The following UTP6 variants were observed in gnomAD, a reference collection of about 807,000 sequenced individuals.
The protein encoded by UTP6 is UTP6 small subunit processome component.
A neutral mutation model predicts 96.5 loss-of-function variants in UTP6; 60 were observed. The observed-to-expected ratio is 0.62, with a 90% CI of 0.51 to 0.77. The LOEUF (loss-of-function observed/expected upper bound fraction) is 0.77, where lower values mean the gene tolerates loss of function less well. Among genes scored for constraint, UTP6 ranks in the 30% least tolerant of loss-of-function variants. UTP6 has a pLI of 0.00. For synonymous variants in UTP6, 215 were observed against 240.1 expected (o/e 0.90, Z 0.96); for missense variants, 637 against 706.5 (o/e 0.90, Z 1.12).
At chr17:31,881,304 C>T (rs1488675505) in intron 10 of UTP6, among the ~76,000 whole-genome samples, 1 of 147,390 alleles carries the variant, frequency 6.8e-6, no homozygotes, top group African/African-American at 2.5e-5. Context: ...AATCTCATTG[C>T]CACCAAGGCT....
chr17:31,877,595 G>T (rs1910568339), intron 13 of UTP6, among the ~76,000 whole-genome samples: 1 of 152,154 alleles, frequency 6.6e-6, no homozygotes, highest in South Asian at 2.1e-4. Context: ...ACTTTGGGAG[G>T]CTGAGGCAGT....
chr17:31,900,560 G>C (rs1245981582), intron 1 of UTP6, among the ~76,000 whole-genome samples: 1 of 152,152 alleles, frequency 6.6e-6, no homozygotes, highest in Non-Finnish European at 1.5e-5. Flanking sequence ...AAAGTGCTGG[G>C]ATTACAGGCG....
chr17:31,875,834 AAAAAG>A (rs1910469578), intron 13 of UTP6, among the ~76,000 whole-genome samples: 2 of 151,764 alleles, frequency 1.3e-5, no homozygotes, highest in Non-Finnish European at 1.5e-5. Flanking sequence ...AAAAAAAAAA[AAAAAG>A]AAAAGAAATG....
intron 4 of UTP6, among the ~76,000 whole-genome samples, chr17:31,893,557 C>G (rs371822352): frequency 6.6e-6 from 1 of 150,802 alleles, no homozygotes; most frequent in South Asian, 2.1e-4. Context: ...GATGGTGAAA[C>G]CCTGTCTACT....
rs1598111481 is a variant in UTP6 at position 31,887,109 on chromosome 17, C to T, written c.621+127G>A. The T allele has an allele frequency of 1.2e-5, 9 of 779,128 alleles. No homozygotes were observed. In the Admixed American group the frequency reaches 1.4e-4, roughly 12 times the overall value. 48.3% of individuals were successfully genotyped at this position (779,128 alleles called of 1,614,324 possible). Reference sequence around the variant, plus strand: ...CTGCACTCCAGCCTGTGTGACAGACCGAGACTCCGTCTCAAAAAAAAAGAA... The same window carrying T: ...CTGCACTCCAGCCTGTGTGACAGACTGAGACTCCGTCTCAAAAAAAAAGAA... On this transcript the variant is annotated intron_variant, in intron 8 of 18. Transcript: ENST00000261708.
intron 16 of UTP6, among the ~76,000 whole-genome samples, chr17:31,871,239 G>A (rs559278465): frequency 5.8e-4 from 88 of 151,768 alleles, no homozygotes; most frequent in African/African-American, 2.0e-3. Flanking sequence ...TGATCCGCCC[G>A]CCTCGGCCTC....
intron 2 of UTP6, among the ~76,000 whole-genome samples, chr17:31,895,576 C>G (rs1463701090): frequency 6.6e-6 from 1 of 152,266 alleles, no homozygotes; most frequent in East Asian, 1.9e-4. Flanking sequence ...CTCTGTCGCC[C>G]AGGCTAGAGT....
intron 10 of UTP6, 100 bp downstream of exon 10, chr17:31,884,324 A>T: frequency 1.1e-6 from 1 of 929,624 alleles, no homozygotes; most frequent in Non-Finnish European, 1.6e-6. Context: ...CCAGGGATTT[A>T]GTGTGGTATC....
At chr17:31,877,115 A>G (rs1314346137) in intron 13 of UTP6, among the ~76,000 whole-genome samples, 3 of 152,212 alleles carry the variant, frequency 2.0e-5, no homozygotes, top group African/African-American at 7.2e-5. Flanking sequence ...ACATAACATA[A>G]ACTAAAGCAA....
chr17:31,895,236 T>C (rs1470048465), intron 2 of UTP6, among the ~76,000 whole-genome samples: 1 of 152,224 alleles, frequency 6.6e-6, no homozygotes, highest in East Asian at 1.9e-4. Context: ...CACTTAAAAA[T>C]TATTCCATGA....
chr17:31,901,092 T>C (rs759594673), intron 1 of UTP6, among the ~76,000 whole-genome samples: 1 of 152,230 alleles, frequency 6.6e-6, no homozygotes, highest in Admixed American at 6.6e-5. Flanking sequence ...CTGATTTCAA[T>C]GGTCCCCACC....
At chr17:31,878,673 C>A in intron 12 of UTP6, 29 bp downstream of exon 12, 2 of 1,598,882 alleles carry the variant, frequency 1.3e-6, no homozygotes, top group South Asian at 2.2e-5. Context: ...ACTATCTAGT[C>A]AACCACTGTA....
Position 31,894,683 on chromosome 17 carries a change from C to A in UTP6, c.274G>T (p.Val92Leu), listed in dbSNP as rs771588562. 2 of 1,611,546 alleles carry A rather than the reference C, an allele frequency of 1.2e-6. No homozygotes were observed. Among genetic ancestry groups the A allele is most frequent in the African/African-American group, 1.3e-5 (1 of 75,004 alleles). ...GAGGCACGCTGGAAAACACCTTGTACCCGGTGTACAATAGAATTCTCAATC... is the reference window on the plus strand; with the variant it reads ...GAGGCACGCTGGAAAACACCTTGTAACCGGTGTACAATAGAATTCTCAATC... ...DEIENSIVHR[V>L]QGVFQRASAK... The change falls in exon 4 of 19, where the codon GTA (valine) becomes TTA (leucine). Residue 92 changes from valine (V) to leucine (L), a missense_variant. Transcript: ENST00000261708.
At chr17:31,867,878 A>G (rs1476136129) in intron 17 of UTP6, among the ~76,000 whole-genome samples, 168 bp downstream of exon 17, 1 of 151,686 alleles carries the variant, frequency 6.6e-6, no homozygotes, top group Non-Finnish European at 1.5e-5. Flanking sequence ...AATCACTTGA[A>G]CCTGGGAGAT....
chr17:31,889,329 G>A lies in UTP6; in HGVS notation c.499C>T (p.Arg167Cys), dbSNP rs141480679. 6.8e-6 allele frequency: 11 copies of A among 1,613,870 alleles called. No individual in the cohort carries two copies. The highest frequency in any genetic ancestry group is 1.7e-5 in the Admixed American group (1 of 60,002). Residue 167 changes from arginine (R) to cysteine (C), a missense_variant, in exon 7 of 19, where the codon CGC becomes TGC. Physicochemically the swap from Arg to Cys is radical, Grantham distance 180 (BLOSUM62 -3). Transcript: ENST00000261708. ...SSESARQLFL[R>C]ALRFHPECPK... ...CACTCTGGATGAAAGCGCAGTGCGC[G>A]AAGAAATAGTTGCCTTGCGCTTTCT...
chr17:31,873,345 G>T (rs752874640), intron 16 of UTP6, 33 bp downstream of exon 16: 1 of 1,598,370 alleles, frequency 6.3e-7, no homozygotes, highest in Non-Finnish European at 8.6e-7. Context: ...TGGGGTAGAG[G>T]GACTAGTAAC....
In UTP6 at chr17:31,868,089, G is replaced by A. The variant is rs1909929063; in HGVS notation, c.1520C>T (p.Ser507Leu). The A allele has an allele frequency of 6.2e-6, 10 of 1,613,246 alleles. No homozygotes were observed. The East Asian group carries it at 2.0e-4, about 32-fold the overall frequency. ...FKSLQESRPFSVDFFRKMIQF... is the reference protein window; with the variant it reads ...FKSLQESRPFLVDFFRKMIQF... ...AATCATTTTCCTGAAAAAGTCAACTGAAAATGGTCGGCTCTCCTGTAAACT... is the reference window on the plus strand; with the variant it reads ...AATCATTTTCCTGAAAAAGTCAACTAAAAATGGTCGGCTCTCCTGTAAACT... Residue 507 changes from serine to leucine, a missense_variant, in exon 17 of 19, where the codon TCA becomes TTA. Coordinates refer to ENST00000261708, the MANE Select transcript of UTP6 (RefSeq NM_018428.3).
chr17:31,871,426 T>C (rs892772887), intron 16 of UTP6, among the ~76,000 whole-genome samples: 19 of 152,272 alleles, frequency 1.2e-4, no homozygotes, highest in East Asian at 1.9e-4. Context: ...GCCCAGCTCA[T>C]ATAGCTATGT....
chr17:31,899,599 A>G, intron 2 of UTP6, 47 bp downstream of exon 2: 1 of 1,477,080 alleles, frequency 6.8e-7, no homozygotes, highest in Non-Finnish European at 9.1e-7. Flanking sequence ...CATCTCACCA[A>G]AAAACAAAAA....
Sources: allele counts gnomAD v4.1 joint callset (sites outside exome capture counted in the v4.1 genomes callset), GRCh38; gene constraint gnomAD v4.1.1; transcripts MANE v1.5; gene names NCBI Gene and HGNC (gene_info 2026-07-23, HGNC 2026-07-21).